UBE2K: variants seen among roughly 807,000 people sequenced by gnomAD.
UBE2K encodes the protein ubiquitin-conjugating enzyme E2 K.
In UBE2K, 6 loss-of-function variants were observed where a neutral mutation model predicts 30.0. The ratio of observed to expected loss-of-function variants is 0.20; its 90% confidence interval spans 0.11 to 0.39. UBE2K has a LOEUF of 0.39. Among genes scored for constraint, UBE2K ranks in the 10% least tolerant of loss-of-function variants. UBE2K has a pLI of 1.00. For missense variants in UBE2K, 61 were observed against 241.6 expected, an observed-to-expected ratio of 0.25 and a Z score of 4.96; for synonymous variants, 86 against 83.7, an observed-to-expected ratio of 1.03 and a Z score of -0.15.
At chr4:39,699,098 T>TGGG (rs1222820141) in intron 1 of UBE2K, among the ~76,000 whole-genome samples, 1 of 152,230 alleles carries the variant, frequency 6.6e-6, no homozygotes, top group African/African-American at 2.4e-5. Flanking sequence ...TATTGACATC[T>TGGG]CAATCTTTTG....
At chr4:39,739,228 T>C (rs1720541142) in intron 2 of UBE2K, among the ~76,000 whole-genome samples, 1 of 150,072 alleles carries the variant, frequency 6.7e-6, no homozygotes, top group South Asian at 2.1e-4. Context: ...AGACGGTGTT[T>C]CACCGTGTTA....
At chr4:39,752,685 T>A (rs1482466553) in intron 3 of UBE2K, among the ~76,000 whole-genome samples, 1 of 152,174 alleles carries the variant, frequency 6.6e-6, no homozygotes, top group African/African-American at 2.4e-5. Flanking sequence ...TCTGACATTA[T>A]GGCATATGCT....
chr4:39,740,417 C>T (rs1720631237), intron 2 of UBE2K, among the ~76,000 whole-genome samples: 2 of 152,006 alleles, frequency 1.3e-5, no homozygotes, highest in Non-Finnish European at 2.9e-5. Context: ...TGGTGGGCGC[C>T]TGTGGTCCCA....
At position 39,768,766 on chromosome 4, in the gene UBE2K, G is replaced by A. The variant is rs115917267; in HGVS notation, c.300-6068G>A. Among the ~76,000 whole-genome samples, 159 of 152,272 alleles carry A rather than the reference G, an allele frequency of 1.0e-3. 1 individual carries two copies. The highest frequency in any genetic ancestry group is 3.8e-3 in the African/African-American group (157 of 41,544). On this transcript the variant is annotated intron_variant, in intron 4 of 6. Transcript: ENST00000261427. ...GTATTCCCACCAGCAGTGTGCGAGGGTTTCCTTTCCTTTACATCATCACCA... is the reference window on the plus strand; with the variant it reads ...GTATTCCCACCAGCAGTGTGCGAGGATTTCCTTTCCTTTACATCATCACCA...
At chr4:39,774,982 T>C (rs767955276) in intron 5 of UBE2K, 49 bp downstream of exon 5, 92 of 1,320,902 alleles carry the variant, frequency 7.0e-5, no homozygotes, top group Admixed American at 2.9e-4. Context: ...TATGAGTCTC[T>C]AGCCACTTCA....
intron 1 of UBE2K, among the ~76,000 whole-genome samples, chr4:39,729,791 A>G (rs1030294577): frequency 6.6e-6 from 1 of 152,196 alleles, no homozygotes; most frequent in Non-Finnish European, 1.5e-5. Flanking sequence ...CATTGGCGGC[A>G]TTTCAATTCC....
At chr4:39,738,282 C>T (rs1720487619) in intron 2 of UBE2K, among the ~76,000 whole-genome samples, 2 of 152,116 alleles carry the variant, frequency 1.3e-5, no homozygotes. Flanking sequence ...CATGTATTTT[C>T]TCATTTAATC....
At chr4:39,713,890 G>A (rs554577923) in intron 1 of UBE2K, 145 of 151,924 alleles carry the variant, frequency 9.5e-4, no homozygotes, top group African/African-American at 2.9e-3. Context: ...CCCATGAGCA[G>A]CTTTTTTTTT....
At chr4:39,766,007 G>A (rs889713024) in intron 4 of UBE2K, among the ~76,000 whole-genome samples, 21 of 152,094 alleles carry the variant, frequency 1.4e-4, no homozygotes, top group African/African-American at 5.1e-4. Flanking sequence ...ATCCATCCAT[G>A]GAAACCTTAA....
At chr4:39,743,831 GACTT>G (rs1427046265) in intron 2 of UBE2K, among the ~76,000 whole-genome samples, 1 of 151,864 alleles carries the variant, frequency 6.6e-6, no homozygotes, top group African/African-American at 2.4e-5. Context: ...TCCAGTGTAA[GACTT>G]ACCCCTTCAG....
At chr4:39,738,054 G>A (rs934793206) in intron 2 of UBE2K, among the ~76,000 whole-genome samples, 19 of 152,142 alleles carry the variant, frequency 1.2e-4, no homozygotes, top group Non-Finnish European at 2.4e-4. Flanking sequence ...CACAAATTAA[G>A]TCTGTAGCTA....
Position 39,714,542 on chromosome 4 carries a change from A to ATTTTTTTTTT in UBE2K, c.63+16153_63+16154insTTTTTTTTTT, listed in dbSNP as rs1275060030. 2.3e-3 allele frequency: 47 copies of ATTTTTTTTTT among 20,186 alleles called. 1 individual carries two copies. The highest frequency in any genetic ancestry group is 8.6e-3 in the East Asian group (3 of 350). 1.3% of individuals were successfully genotyped at this position (20,186 alleles called of 1,614,324 possible). On this transcript the variant is annotated intron_variant, in intron 1 of 6. Coordinates refer to ENST00000261427, the MANE Select transcript of UBE2K (RefSeq NM_005339.5). ...CATATATATATATATATATATATAT[A>ATTTTTTTTTT]TATATATATTTTTTTTTTTTTTTAA...
At chr4:39,752,600 T>A (rs548584817) in intron 3 of UBE2K, among the ~76,000 whole-genome samples, 255 of 152,272 alleles carry the variant, frequency 1.7e-3, no homozygotes, top group Non-Finnish European at 3.0e-3. Context: ...CCTCCCAAAG[T>A]GCTGGGATTA....
chr4:39,730,445 C>T (rs2109339984), intron 1 of UBE2K, among the ~76,000 whole-genome samples: 1 of 152,236 alleles, frequency 6.6e-6, no homozygotes, highest in South Asian at 2.1e-4. Flanking sequence ...CTTTGCCCCA[C>T]AAAGTGTTGG....
At chr4:39,768,276 CAAAA>C (rs35596173) in intron 4 of UBE2K, among the ~76,000 whole-genome samples, 5 of 113,582 alleles carry the variant, frequency 4.4e-5, no homozygotes, top group Non-Finnish European at 6.9e-5. Context: ...CCGTCTCTAC[CAAAA>C]AAAAAAAAAA....
At chr4:39,729,841 C>T (rs1037744527) in intron 1 of UBE2K, among the ~76,000 whole-genome samples, 3 of 152,228 alleles carry the variant, frequency 2.0e-5, no homozygotes, top group East Asian at 3.8e-4. Flanking sequence ...TTTTGCACAG[C>T]GTGTACGCTC....
In UBE2K at chr4:39,737,337, G is replaced by A. The variant is rs563548473; in HGVS notation, c.64-83G>A. On this transcript the variant is annotated intron_variant, in intron 1 of 6. Transcript: ENST00000261427. ...CAGATAATCAAGCTTATGAAAGAGG[G>A]GGTTTCAAGATTTTTTATAGGTAAT... 98 of 679,254 alleles carry A rather than the reference G, an allele frequency of 1.4e-4. No homozygotes were observed. In the African/African-American group the frequency reaches 1.5e-3, roughly 10 times the overall value. 42.1% of individuals were successfully genotyped at this position (679,254 alleles called of 1,614,324 possible).
chr4:39,699,494 G>A (rs1717889582), intron 1 of UBE2K, among the ~76,000 whole-genome samples: 2 of 152,172 alleles, frequency 1.3e-5, no homozygotes, highest in South Asian at 2.1e-4. Flanking sequence ...GATATTCACA[G>A]TGCTCTAGTA....
At chr4:39,722,579 T>G (rs1227411828) in intron 1 of UBE2K, among the ~76,000 whole-genome samples, 1 of 152,146 alleles carries the variant, frequency 6.6e-6, no homozygotes, top group African/African-American at 2.4e-5. Flanking sequence ...ACACCCCCAC[T>G]CTCACTCATG....
Sources: allele counts gnomAD v4.1 joint callset (sites outside exome capture counted in the v4.1 genomes callset), GRCh38; gene constraint gnomAD v4.1.1; transcripts MANE v1.5; gene names NCBI Gene and HGNC (gene_info 2026-07-23, HGNC 2026-07-21).